PARP10: variants seen among roughly 807,000 people sequenced by gnomAD.
The protein encoded by PARP10 is protein mono-ADP-ribosyltransferase PARP10.
Under a neutral mutation model 82.4 loss-of-function variants are expected in PARP10, and 56 were observed. That is an observed-to-expected ratio of 0.68 (90% CI 0.55 to 0.85). PARP10 has a LOEUF of 0.85. PARP10 is among the 40% of genes least tolerant of loss of function. The pLI is 0.00. For synonymous variants in PARP10, 576 were observed against 601.1 expected (o/e 0.96, Z 0.61); for missense variants, 1,227 against 1,379.4 (o/e 0.89, Z 1.75).
upstream of PARP10, chr8:143,991,863 C>G: frequency 1.9e-6 from 3 of 1,609,398 alleles, no homozygotes; most frequent in Non-Finnish European, 2.5e-6. Context: ...TGACTCTGAG[C>G]GGCTCCTTCC....
At chr8:144,006,521 G>A (rs781860576) in intron 1 of PARP10, among the ~76,000 whole-genome samples, 57 of 152,348 alleles carry the variant, frequency 3.7e-4, no homozygotes, top group Admixed American at 1.8e-3. Context: ...ACACGCAAGC[G>A]GAGTCTGAAG....
At chr8:143,989,597 C>T (rs1834053721), upstream of PARP10, 1 of 151,988 alleles carries the variant, frequency 6.6e-6, no homozygotes, top group South Asian at 2.1e-4. This position sits in a 1 kb window ranked among gnomAD's most constrained non-coding sequence, Gnocchi z 4.3. Context: ...TATGTATCCA[C>T]AAGAATTAAA....
intron 9 of PARP10, among the ~76,000 whole-genome samples, chr8:143,979,168 T>C (rs1554747114): frequency 6.6e-6 from 1 of 151,748 alleles, no homozygotes; most frequent in African/African-American, 2.4e-5. Flanking sequence ...AGAGAAGGGG[T>C]TTCACTGTGT....
chr8:143,993,693 G>A (rs928869528), upstream of PARP10, among the ~76,000 whole-genome samples: 1 of 152,190 alleles, frequency 6.6e-6, no homozygotes, highest in Admixed American at 6.5e-5. Flanking sequence ...GAGATGGCAC[G>A]GTATAGCCGC....
rs1368439727 is a variant in PARP10, at chr8:143,985,060, C to T, written c.942G>A (p.Val314=). The stretch of plus-strand genomic sequence containing the variant: ...CTGTTGTCATAATCCCTCTACCCTG[C>T]ACCATGGGACCTGTCCTCAGAGAGG... ...SGASLRTGPM[V]QGRGIMTTGS... Residue 314 remains valine (V), a synonymous_variant, in exon 5 of 11, where the codon GTG becomes GTA. Coordinates refer to ENST00000313028, the MANE Select transcript of PARP10 (RefSeq NM_032789.5). The T allele has an allele frequency of 3.1e-6, 5 of 1,613,814 alleles. No homozygotes were observed. The highest frequency in any genetic ancestry group is 4.2e-6 in the Non-Finnish European group (5 of 1,179,974).
At position 143,977,226 on chromosome 8, in the gene PARP10, T is replaced by G; in HGVS notation, c.*258A>C. 3 of 517,722 alleles carry G rather than the reference T, an allele frequency of 5.8e-6. No individual in the cohort carries two copies. The highest frequency in any genetic ancestry group is 3.0e-5 in the South Asian group (1 of 33,894). 32.1% of individuals were successfully genotyped at this position (517,722 alleles called of 1,614,324 possible). Reference sequence around the variant, plus strand: ...AACAACAGAGCCGACTCGGGCGAGGTCTGGGAGCGGCGGGCGGGCGGTGTC... The same window carrying G: ...AACAACAGAGCCGACTCGGGCGAGGGCTGGGAGCGGCGGGCGGGCGGTGTC... On this transcript the variant is annotated 3_prime_UTR_variant, in exon 11 of 11. Transcript: ENST00000313028.
At chr8:143,999,392 T>G (rs1834184458) in intron 1 of PARP10, among the ~76,000 whole-genome samples, 1 of 152,160 alleles carries the variant, frequency 6.6e-6, no homozygotes, top group Non-Finnish European at 1.5e-5. Context: ...TTTGTAAAGA[T>G]GGGGTTTCAC....
chr8:143,981,367 ACGACAGTGAG>A (rs1554747688), intron 9 of PARP10, among the ~76,000 whole-genome samples: 7 of 116,746 alleles, frequency 6.0e-5, no homozygotes, highest in Admixed American at 1.7e-4. Flanking sequence ...GATGGTGGTG[ACGACAGTGAG>A]TGGTGAAGGT....
At chr8:143,992,931 C>G (rs1383944088), upstream of PARP10, 58 of 1,109,574 alleles carry the variant, frequency 5.2e-5, no homozygotes, top group East Asian at 1.4e-3. Context: ...CTTCCCCTCT[C>G]TCTTGTCCCC....
rs537401982 is a variant in PARP10 at position 143,982,937 on chromosome 8, C to T, written c.2551G>A (p.Val851Ile). The T allele has an allele frequency of 2.0e-5, 33 of 1,613,624 alleles. No individual in the cohort carries two copies. Among genetic ancestry groups the T allele is most frequent in the Non-Finnish European group, 2.7e-5 (32 of 1,179,968 alleles). ...LDAARSSIRV[V>I]RVERVSHPLL... ...GAGACAGGGCATGGACTCACACGAA[C>T]GACGCGGATGCTGCTGCGGGCAGCG... is the stretch of plus-strand genomic sequence containing the variant. Residue 851 changes from valine to isoleucine, a missense_variant, in exon 9 of 11, where the codon GTT (valine) becomes ATT (isoleucine). Val to Ile is a conservative substitution (Grantham distance 29, BLOSUM62 3). Coordinates refer to ENST00000313028, the MANE Select transcript of PARP10 (RefSeq NM_032789.5).
chr8:143,980,318 TCAAAAAAAA>T (rs1833819721), intron 9 of PARP10, among the ~76,000 whole-genome samples: 5 of 15,680 alleles, frequency 3.2e-4, no homozygotes, highest in African/African-American at 7.0e-4. Context: ...AGATTCCGTC[TCAAAAAAAA>T]AAAAAAAAAA....
upstream of PARP10, chr8:143,992,114 G>T (rs782539977): frequency 6.2e-7 from 1 of 1,606,334 alleles, no homozygotes; most frequent in Non-Finnish European, 8.5e-7. Flanking sequence ...GCCTGGGTCC[G>T]GCCATGCAGT....
upstream of PARP10, among the ~76,000 whole-genome samples, chr8:143,995,704 C>T (rs561849718): frequency 5.3e-5 from 8 of 152,226 alleles, no homozygotes; most frequent in East Asian, 1.3e-3. Flanking sequence ...TTGCTAGGAG[C>T]TGTCCTGGCA....
upstream of PARP10, chr8:143,992,865 G>T (rs376058939): frequency 1.4e-5 from 23 of 1,606,786 alleles, no homozygotes; most frequent in Non-Finnish European, 1.9e-5. Context: ...CGCTGTGCCC[G>T]CTCAGGTGGC....
At chr8:144,001,249 T>C (rs62530297) in intron 1 of PARP10, among the ~76,000 whole-genome samples, 46,065 of 151,450 alleles carry the variant, frequency 0.3, 7,533 homozygotes, top group Non-Finnish European at 0.36. Flanking sequence ...TCTCACTCTA[T>C]TGCCCAGGCT....
At chr8:143,992,694 C>T (rs181232650), upstream of PARP10, 169 of 1,613,924 alleles carry the variant, frequency 1.0e-4, no homozygotes, top group Non-Finnish European at 1.2e-4. Context: ...ACCTCCAGTT[C>T]CTCGCAGTGG....
upstream of PARP10, chr8:143,991,511 AG>A: frequency 6.5e-7 from 1 of 1,542,126 alleles, no homozygotes; most frequent in Non-Finnish European, 8.7e-7. Context: ...CCTACCCCCA[AG>A]GGGGCTACCC....
Position 144,011,036 on chromosome 8 carries a change from C to G in PARP10, c.-80+1494G>C, listed in dbSNP as rs181521347. Among the ~76,000 whole-genome samples, 313 of 151,846 alleles carry G rather than the reference C, an allele frequency of 2.1e-3. 2 individuals are homozygous for G. Among genetic ancestry groups the G allele is most frequent in the African/African-American group, 7.3e-3 (302 of 41,428 alleles). On this transcript the variant is annotated intron_variant, in intron 1 of 3. Transcript: ENST00000530478. The surrounding 1 kb of genome is among the most constrained non-coding windows in gnomAD (Gnocchi z 4.5). ...GTAGCTATTAATCACGTCTATTAGA[C>G]GTCTAATAGACGTGATTAATAGCTA...
chr8:143,979,744 C>T (rs978686585), intron 9 of PARP10, among the ~76,000 whole-genome samples: 5 of 151,922 alleles, frequency 3.3e-5, no homozygotes, highest in Admixed American at 6.6e-5. Flanking sequence ...AACCCCGTCT[C>T]GCTGGGCATG....
Sources: gnomAD v4.1 joint callset for allele counts (sites outside exome capture counted in the v4.1 genomes callset) on GRCh38, gnomAD v4.1.1 for gene constraint, Gnocchi (gnomAD v3.1) non-coding constraint, MANE v1.5 for transcripts, NCBI Gene and HGNC (gene_info 2026-07-23, HGNC 2026-07-21) for gene names.